Variants in CORO7 observed in about 807,000 individuals in gnomAD.
CORO7 encodes coronin 7, also known as coronin-7.
Under a neutral mutation model 126.6 loss-of-function variants are expected in CORO7, and 107 were observed. The observed-to-expected ratio is 0.85, with a 90% CI of 0.72 to 0.99. The LOEUF is 0.99. Ranked by LOEUF, CORO7 falls within the 50% of genes least tolerant of loss-of-function variation. The pLI is 0.00. For synonymous variants in CORO7, 603 were observed against 536.8 expected (o/e 1.12, Z -1.70); for missense variants, 1,314 against 1,255.8 (o/e 1.05, Z -0.70).
chr16:4,382,404 G>A (rs373289790), intron 9 of CORO7: 13 of 1,611,786 alleles, frequency 8.1e-6, no homozygotes, highest in Admixed American at 1.7e-5. Context: ...AGCGGCTGGT[G>A]ACGCTGCGAC....
intron 7 of CORO7, among the ~76,000 whole-genome samples, chr16:4,390,380 G>T (rs2055345529): frequency 1.3e-5 from 2 of 152,192 alleles, no homozygotes; most frequent in Non-Finnish European, 2.9e-5. Flanking sequence ...CTTGTAGAAG[G>T]CTCAGGATTG....
intron 1 of CORO7, among the ~76,000 whole-genome samples, chr16:4,413,704 A>G (rs2056300231): frequency 6.6e-6 from 1 of 151,712 alleles, no homozygotes; most frequent in Non-Finnish European, 1.5e-5. Flanking sequence ...AGCCCAGCTA[A>G]TTTTTGTATT....
rs755238072 is a variant in CORO7 at position 4,360,430 on chromosome 16, C to G, written c.2022+14G>C. On this transcript the variant is annotated intron_variant, in intron 20 of 27. Coordinates refer to ENST00000251166, the MANE Select transcript of CORO7 (RefSeq NM_024535.5). ...ACCAGGTCTGAGGCCACTCCCCAGC[C>G]CCTGTGTGCTCACCTGCAGGGGCTC... The G allele has an allele frequency of 6.2e-7, 1 of 1,612,972 alleles. No homozygotes were observed. The highest frequency in any genetic ancestry group is 2.2e-5 in the East Asian group (1 of 44,866).
intron 3 of CORO7, among the ~76,000 whole-genome samples, chr16:4,412,152 G>T (rs983259005): frequency 1.6e-4 from 25 of 152,148 alleles, no homozygotes; most frequent in Non-Finnish European, 3.5e-4. Flanking sequence ...GGAGCACACA[G>T]CTTCCCTCCT....
chr16:4,412,341 C>G lies in CORO7; in HGVS notation c.232+15G>C. The G allele has an allele frequency of 6.2e-7, 1 of 1,613,966 alleles. No homozygotes were observed. Among genetic ancestry groups the G allele is most frequent in the Non-Finnish European group, 8.5e-7 (1 of 1,179,916 alleles). ...CAAGTTTCAGGCTTCACCCACTAGT[C>G]AGACACCCACTCACCTGAATGGCAG... On this transcript the variant is annotated intron_variant, in intron 3 of 27. Transcript: ENST00000251166.
intron 21 of CORO7, among the ~76,000 whole-genome samples, 157 bp from the exon 22 acceptor site, chr16:4,359,778 C>T (rs1277024041): frequency 6.6e-6 from 1 of 152,004 alleles, no homozygotes; most frequent in African/African-American, 2.4e-5. Context: ...CCCTCCACCT[C>T]TGGGTTCCCC....
chr16:4,355,923 G>A (rs1306924739), intron 26 of CORO7, among the ~76,000 whole-genome samples: 3 of 151,936 alleles, frequency 2.0e-5, no homozygotes, highest in Admixed American at 6.6e-5. Context: ...GACTACAAGT[G>A]TGTAACACCA....
intron 5 of CORO7, among the ~76,000 whole-genome samples, chr16:4,406,658 C>T (rs911560808): frequency 6.6e-6 from 1 of 151,314 alleles, no homozygotes; most frequent in Non-Finnish European, 1.5e-5. Context: ...TGGAGTCTTG[C>T]TCTTGTCCCC....
intron 4 of CORO7, 21 bp from the exon 5 acceptor site, chr16:4,407,705 G>A (rs530637401): frequency 3.2e-5 from 50 of 1,560,856 alleles, no homozygotes; most frequent in Middle Eastern, 3.5e-4. Context: ...GACCAAGTCC[G>A]TGAGCACAGG....
chr16:4,404,826 C>A (rs948239213), intron 6 of CORO7, among the ~76,000 whole-genome samples: 1 of 152,178 alleles, frequency 6.6e-6, no homozygotes, highest in African/African-American at 2.4e-5. Flanking sequence ...GACACTGCCC[C>A]TCCTGCCACA....
intron 6 of CORO7, 119 bp from the exon 7 acceptor site, chr16:4,395,458 G>A: frequency 7.4e-7 from 1 of 1,352,382 alleles, no homozygotes; most frequent in South Asian, 1.3e-5. Flanking sequence ...AGCACGCAGG[G>A]CTGCCATCAC....
At chr16:4,374,086 CGTGT>C (rs112578905) in intron 9 of CORO7, among the ~76,000 whole-genome samples, 7 of 148,766 alleles carry the variant, frequency 4.7e-5, no homozygotes, top group Admixed American at 2.0e-4. Context: ...GGAGGGTGCA[CGTGT>C]GTGTGTGTGT....
chr16:4,395,588 G>A (rs1040159980), intron 6 of CORO7, among the ~76,000 whole-genome samples: 3 of 152,210 alleles, frequency 2.0e-5, no homozygotes, highest in Admixed American at 6.5e-5. Context: ...AGTGAGGAGT[G>A]TTCAGCTTCC....
intron 9 of CORO7, among the ~76,000 whole-genome samples, chr16:4,372,604 AGGGAAG>A (rs1054906599): frequency 3.9e-5 from 6 of 152,122 alleles, no homozygotes; most frequent in Non-Finnish European, 5.9e-5. Context: ...TGCCTCTGCC[AGGGAAG>A]GGGCTTTGCT....
At chr16:4,383,367 CAT>C (rs1290137580) in intron 9 of CORO7, 4 of 173,646 alleles carry the variant, frequency 2.3e-5, no homozygotes, top group Non-Finnish European at 4.1e-5. Context: ...GCTTTAGGAA[CAT>C]GTTTTGCTTT....
At chr16:4,359,764 C>A in intron 21 of CORO7, 143 bp from the exon 22 acceptor site, 3 of 1,086,208 alleles carry the variant, frequency 2.8e-6, no homozygotes, top group Non-Finnish European at 3.8e-6. Flanking sequence ...ACATCCTAAC[C>A]TGCCCCTCCA....
intron 1 of CORO7, among the ~76,000 whole-genome samples, chr16:4,415,099 C>G (rs1282395274): frequency 6.6e-6 from 1 of 152,110 alleles, no homozygotes; most frequent in Non-Finnish European, 1.5e-5. Flanking sequence ...AACTCCTGAG[C>G]TCAAAGCAGT....
chr16:4,380,818 T>C lies in CORO7; in HGVS notation c.785+7168A>G, dbSNP rs2054928797. 19 of 1,426,312 alleles carry C rather than the reference T, an allele frequency of 1.3e-5. No homozygotes were observed. The South Asian group carries it at 2.4e-4, about 18-fold the overall frequency. The allele number at this position is 1,426,312 out of a possible 1,614,324, so 88.4% of individuals were successfully genotyped here. On this transcript the variant is annotated intron_variant, in intron 9 of 27. Coordinates refer to ENST00000251166, the MANE Select transcript of CORO7 (RefSeq NM_024535.5). ...CTGGCTCTTCCTGGCGTGTCTGCCT[T>C]CTAGGCCCCTGACTCACAGTCTTCT... is the stretch of plus-strand genomic sequence containing the variant.
chr16:4,369,909 G>A (rs760547626), intron 9 of CORO7, among the ~76,000 whole-genome samples: 5 of 152,190 alleles, frequency 3.3e-5, no homozygotes, highest in Non-Finnish European at 5.9e-5. Context: ...TTCTAAAGGC[G>A]GGTGGCACCT....
Sources: gnomAD v4.1 joint callset for allele counts (sites outside exome capture counted in the v4.1 genomes callset) on GRCh38, gnomAD v4.1.1 for gene constraint, MANE v1.5 for transcripts, NCBI Gene and HGNC (gene_info 2026-07-23, HGNC 2026-07-21) for gene names.